Variants in ETV1 observed in about 807,000 individuals in gnomAD.
ETV1 encodes the protein ETS variant transcription factor 1.
In ETV1, 27 loss-of-function variants were observed where a neutral mutation model predicts 62.3. The observed-to-expected ratio is 0.43, with a 90% confidence interval of 0.32 to 0.60. The LOEUF is 0.60. ETV1 is among the 20% of genes least tolerant of loss of function. The probability of loss-of-function intolerance (pLI) is 0.06; values close to 1 mark genes in which losing one functional copy is unlikely to be tolerated. For synonymous variants in ETV1, 222 were observed against 199.6 expected, an observed-to-expected ratio of 1.11 and a Z score of -0.94; for missense variants, 605 against 605.8, an observed-to-expected ratio of 1.00 and a Z score of 0.01.
intron 5 of ETV1, among the ~76,000 whole-genome samples, chr7:13,979,383 G>A (rs943362521): frequency 2.0e-5 from 3 of 151,980 alleles, no homozygotes; most frequent in Non-Finnish European, 4.4e-5. Context: ...AAGTCTACTA[G>A]AGAGGCAACG....
At position 13,921,863 on chromosome 7, in the gene ETV1, G is replaced by C. The variant is rs184921102; in HGVS notation, c.802+9639C>G. 5.2e-3 allele frequency among the ~76,000 whole-genome samples: 788 copies of C among 152,154 alleles called. 9 individuals carry two copies. Among genetic ancestry groups the C allele is most frequent in the African/African-American group, 0.018 (732 of 41,506 alleles). On this transcript the variant is annotated intron_variant, in intron 9 of 13. Transcript: ENST00000430479. The stretch of plus-strand genomic sequence containing the variant: ...ACGTATACCGAATTATTAATTTATT[G>C]CTAACTTTTTTTCCAGGGCTTTAAA...
intron 5 of ETV1, 91 bp from the exon 6 acceptor site, chr7:13,977,571 C>A (rs1583875857): frequency 1.2e-6 from 1 of 860,112 alleles, no homozygotes; most frequent in East Asian, 2.7e-5. Context: ...GTAAGATCTT[C>A]TTGGGCTGAG....
chr7:13,928,398 C>T (rs968644119), intron 9 of ETV1, among the ~76,000 whole-genome samples: 7 of 151,872 alleles, frequency 4.6e-5, no homozygotes, highest in East Asian at 1.9e-4. Context: ...AGGCAGATCA[C>T]GAGGTCAAGA....
chr7:13,911,433 C>G, intron 9 of ETV1, 126 bp from the exon 10 acceptor site: 4 of 633,922 alleles, frequency 6.3e-6, no homozygotes, highest in Non-Finnish European at 1.2e-5. Context: ...AACATGTCAA[C>G]ATATAATCAA....
intron 9 of ETV1, among the ~76,000 whole-genome samples, chr7:13,913,303 T>C (rs1783743124): frequency 6.6e-6 from 1 of 152,194 alleles, no homozygotes; most frequent in Admixed American, 6.5e-5. Context: ...CAGATTATAG[T>C]TTAAGGATCA....
intron 5 of ETV1, among the ~76,000 whole-genome samples, chr7:13,978,396 C>A (rs1781656519): frequency 1.7e-5 from 1 of 58,934 alleles, no homozygotes; most frequent in Non-Finnish European, 3.2e-5. Context: ...TAAATACATG[C>A]AAACACACAC....
chr7:13,983,506 C>A (rs1259463927), intron 5 of ETV1, among the ~76,000 whole-genome samples: 1 of 151,632 alleles, frequency 6.6e-6, no homozygotes, highest in African/African-American at 2.4e-5. Flanking sequence ...TTGCAATTGC[C>A]TTTCTGTCAG....
rs189612037 is a variant in ETV1 at position 13,895,032 on chromosome 7, C to T, written c.*834G>A. The stretch of plus-strand genomic sequence containing the variant: ...TGCTTCATTTTGATTCCAGATTTAA[C>T]ATTTAAATGAAGATTCCAAAGGACC... On this transcript the variant is annotated 3_prime_UTR_variant, in exon 14 of 14. Transcript: ENST00000430479. 1 of 233,150 alleles carries T rather than the reference C, an allele frequency of 4.3e-6. No individual in the cohort carries two copies. The highest frequency in any genetic ancestry group is 6.1e-5 in the East Asian group (1 of 16,452). The allele number at this position is 233,150 out of a possible 1,614,324, so 14.4% of individuals were successfully genotyped here.
intron 5 of ETV1, 174 bp downstream of exon 5, chr7:13,986,464 C>T: frequency 2.7e-6 from 4 of 1,504,174 alleles, no homozygotes; most frequent in African/African-American, 1.4e-5. Context: ...GGTAGTACAG[C>T]CCCAGAGTCC....
At chr7:13,925,720 T>C (rs887388114) in intron 9 of ETV1, among the ~76,000 whole-genome samples, 2 of 145,396 alleles carry the variant, frequency 1.4e-5, no homozygotes, top group Non-Finnish European at 3.0e-5. Context: ...GACCCGCCAC[T>C]GCGCCCGGCT....
At chr7:13,988,730 G>A (rs1782795789) in intron 3 of ETV1, 1 of 1,612,430 alleles carries the variant, frequency 6.2e-7, no homozygotes, top group African/African-American at 1.3e-5. Context: ...TTTGAGTGCA[G>A]CAGCTGCTGC....
chr7:13,911,236 T>C lies in ETV1; in HGVS notation c.871+3A>G. ...CACGGAATTTCAGTGGTGGACAACT[T>C]AACTTCTGTTCTGCTGGGATGAGCC... On this transcript the variant is annotated splice_donor_region_variant and intron_variant, in intron 10 of 13. Transcript: ENST00000430479. The C allele has an allele frequency of 6.2e-7, 1 of 1,609,888 alleles. No individual in the cohort carries two copies. Among genetic ancestry groups the C allele is most frequent in the South Asian group, 1.1e-5 (1 of 90,918 alleles).
intron 9 of ETV1, among the ~76,000 whole-genome samples, chr7:13,924,954 T>A (rs776831353): frequency 2.4e-4 from 36 of 152,066 alleles, no homozygotes; most frequent in Admixed American, 1.9e-3. Context: ...GCCTCCAAAT[T>A]GAAAAAAGGC....
chr7:13,982,569 A>G (rs1229672365), intron 5 of ETV1, among the ~76,000 whole-genome samples: 2 of 151,972 alleles, frequency 1.3e-5, no homozygotes, highest in East Asian at 3.9e-4. Context: ...TCTTTCTCTC[A>G]TATTTTAGAT....
rs116166892 is a variant in ETV1, at chr7:13,925,348, C to T, written c.802+6154G>A. On this transcript the variant is annotated intron_variant, in intron 9 of 13. Coordinates refer to ENST00000430479, the MANE Select transcript of ETV1 (RefSeq NM_004956.5). ...CACTGCAATGTGCAAAGGAATAAAA[C>T]CCTAATGGTAGCATTGCAAGCACTG... Among the ~76,000 whole-genome samples the T allele has an allele frequency of 6.0e-3, 915 of 152,272 alleles. 5 individuals are homozygous for T. Among genetic ancestry groups the T allele is most frequent in the African/African-American group, 0.018 (763 of 41,554 alleles).
intron 6 of ETV1, 58 bp downstream of exon 6, chr7:13,977,369 A>G: frequency 8.4e-7 from 1 of 1,194,872 alleles, no homozygotes; most frequent in South Asian, 1.4e-5. Flanking sequence ...AAGAGAAAGA[A>G]GAAAGAAGGA....
At chr7:13,985,984 A>T in intron 5 of ETV1, 1 of 719,292 alleles carries the variant, frequency 1.4e-6, no homozygotes, top group Non-Finnish European at 2.3e-6. Context: ...AAATCCTAAT[A>T]AAACTGACAA....
rs1055253807 is a variant in ETV1, at chr7:13,892,520, C to T, written c.*3346G>A. ...ATTAGAGTCTTTGCTACACAGTCTT[C>T]CTCCTCCGTGCGGTGTTCTGAATAA... On this transcript the variant is annotated 3_prime_UTR_variant, in exon 14 of 14. Transcript: ENST00000430479. The T allele has an allele frequency of 3.0e-5, 7 of 232,848 alleles. No individual in the cohort carries two copies. The highest frequency in any genetic ancestry group is 1.1e-4 in the African/African-American group (5 of 45,326). 14.4% of individuals were successfully genotyped at this position (232,848 alleles called of 1,614,324 possible). A position where few individuals can be genotyped will look rare whatever the true frequency, so the allele number is the denominator to read the frequency against.
intron 2 of ETV1, 47 bp downstream of exon 2, chr7:13,989,221 G>T: frequency 3.4e-6 from 2 of 586,802 alleles, no homozygotes; most frequent in Non-Finnish European, 5.9e-6. Context: ...ATTACCCTCC[G>T]ACAGTCCCAT....
Sources: allele counts gnomAD v4.1 joint callset (sites outside exome capture counted in the v4.1 genomes callset), GRCh38; gene constraint gnomAD v4.1.1; transcripts MANE v1.5; gene names NCBI Gene and HGNC (gene_info 2026-07-23, HGNC 2026-07-21).